Variants in SPOCK2 observed in about 807,000 individuals in gnomAD.
SPOCK2 encodes the protein SPARC (osteonectin), cwcv and kazal like domains proteoglycan 2.
In SPOCK2, 39 loss-of-function variants were observed where a neutral mutation model predicts 60.1. The observed-to-expected ratio is 0.65, with a 90% CI of 0.50 to 0.85. SPOCK2 has a LOEUF of 0.85. SPOCK2 is among the 40% of genes least tolerant of loss of function. SPOCK2 has a pLI of 0.00. For synonymous variants in SPOCK2, 217 were observed against 231.5 expected (o/e 0.94, Z 0.57); for missense variants, 523 against 567.4 (o/e 0.92, Z 0.80).
chr10:72,068,377 C>T, intron 5 of SPOCK2, 76 bp from the exon 6 acceptor site: 2 of 1,429,488 alleles, frequency 1.4e-6, no homozygotes, highest in South Asian at 2.8e-5. Context: ...CACCCTCAAG[C>T]CTCTCATGGC....
chr10:72,079,405 C>T (rs962646774), intron 1 of SPOCK2, among the ~76,000 whole-genome samples: 2 of 152,142 alleles, frequency 1.3e-5, no homozygotes, highest in East Asian at 1.9e-4. Flanking sequence ...TGGGGGCCCC[C>T]GTTCTCCAGG....
chr10:72,073,828 C>T (rs1207995002), intron 1 of SPOCK2, among the ~76,000 whole-genome samples: 1 of 152,268 alleles, frequency 6.6e-6, no homozygotes, highest in Non-Finnish European at 1.5e-5. Context: ...CTCAACTTAT[C>T]TGGCTTCCTC....
In SPOCK2 at chr10:72,060,670, C is replaced by T. The variant is rs935168868; in HGVS notation, c.*2090G>A. On this transcript the variant is annotated 3_prime_UTR_variant, in exon 11 of 11. Coordinates refer to ENST00000373109, the MANE Select transcript of SPOCK2 (RefSeq NM_001244950.2). The stretch of plus-strand genomic sequence containing the variant: ...AGCATTTCCCTGAACTGAGCCGGGG[C>T]TGGAGTGGGGAGGTGAAGGACAGAG... 4.6e-5 allele frequency: 7 copies of T among 152,774 alleles called. No individual in the cohort carries two copies. Among genetic ancestry groups the T allele is most frequent in the Admixed American group, 2.0e-4 (3 of 15,254 alleles). 9.5% of individuals were successfully genotyped at this position (152,774 alleles called of 1,614,324 possible). A position where few individuals can be genotyped will look rare whatever the true frequency, so the allele number is the denominator to read the frequency against.
At chr10:72,085,899 G>A (rs1229484496) in intron 1 of SPOCK2, among the ~76,000 whole-genome samples, 1 of 152,202 alleles carries the variant, frequency 6.6e-6, no homozygotes, top group Non-Finnish European at 1.5e-5. Context: ...TAGTGCTGGT[G>A]GGGACCCTGT....
chr10:72,067,626 G>A lies in SPOCK2; in HGVS notation c.696C>T (p.Ala232=), dbSNP rs370648887. 4.6e-5 allele frequency: 74 copies of A among 1,613,056 alleles called. No individual in the cohort carries two copies. The South Asian group carries it at 6.4e-4, about 14-fold the overall frequency. The change falls in exon 7 of 11, where the codon GCC becomes GCT. Residue 232 remains alanine, a synonymous_variant. Transcript: ENST00000373109. ...CAAGCTTCCTACCGCTGGCCGGGCC[G>A]GCTACACTGCTGGCTGAGCCATTCT... ...SKQNGSASSV[A]GPASGLDKSL...
chr10:72,072,972 A>G (rs997939130), intron 1 of SPOCK2, 62 bp from the exon 2 acceptor site: 27 of 1,551,410 alleles, frequency 1.7e-5, no homozygotes, highest in Admixed American at 9.8e-5. Context: ...AGGGAGAAAG[A>G]TGGGGATATC....
chr10:72,063,124 G>C lies in SPOCK2; in HGVS notation c.1030C>G (p.Arg344Gly). The C allele has an allele frequency of 6.4e-7, 1 of 1,556,460 alleles. No individual in the cohort carries two copies. Among genetic ancestry groups the C allele is most frequent in the South Asian group, 1.2e-5 (1 of 84,302 alleles). The change falls in exon 10 of 11, where the codon CGG (arginine) becomes GGG (glycine). Residue 344 changes from arginine (R) to glycine (G), a missense_variant. Coordinates refer to ENST00000373109, the MANE Select transcript of SPOCK2 (RefSeq NM_001244950.2). The part of the protein sequence containing the change: ...IPSCDEDGYY[R>G]KMQCDQSSGD... ...CTGCTCTGGTCACACTGCATCTTCC[G>C]GTAGTAGCCATCCTCGTCGCAGCTC...
At position 72,064,160 on chromosome 10, in the gene SPOCK2, C is replaced by T. The variant is rs1338021345; in HGVS notation, c.991+18G>A. The stretch of plus-strand genomic sequence containing the variant: ...CCGTCCCCACCTCCTCCTCTGAGAG[C>T]CTGGTCTGGCCCCTCACCTGGCTTC... On this transcript the variant is annotated intron_variant, in intron 9 of 10. Transcript: ENST00000373109. 1 of 1,611,568 alleles carries T rather than the reference C, an allele frequency of 6.2e-7. No homozygotes were observed. Among genetic ancestry groups the T allele is most frequent in the Non-Finnish European group, 8.5e-7 (1 of 1,179,256 alleles).
In SPOCK2 at chr10:72,059,420, T is replaced by A. The variant is rs962463247; in HGVS notation, c.*3340A>T. 1 of 152,266 alleles carries A rather than the reference T, an allele frequency of 6.6e-6. No individual in the cohort carries two copies. The highest frequency in any genetic ancestry group is 2.4e-5 in the African/African-American group (1 of 41,450). 9.4% of individuals were successfully genotyped at this position (152,266 alleles called of 1,614,324 possible). ...TGCACATCACACAGTTTAAGCAGGC[T>A]TCAGGCTGGAAAGCAGTTTGCTCTG... On this transcript the variant is annotated 3_prime_UTR_variant, in exon 11 of 11. Coordinates refer to ENST00000373109, the MANE Select transcript of SPOCK2 (RefSeq NM_001244950.2).
Position 72,081,458 on chromosome 10 carries a change from G to A in SPOCK2, c.189+6682C>T, listed in dbSNP as rs144211761. ...CAGGTGTTGGGGAAGACAGCAGGAG[G>A]GGGCTGGACGCCCCACCCTACAGAA... On this transcript the variant is annotated intron_variant, in intron 1 of 10. Coordinates refer to ENST00000373109, the MANE Select transcript of SPOCK2 (RefSeq NM_001244950.2). Among the ~76,000 whole-genome samples the A allele has an allele frequency of 7.7e-3, 1,167 of 152,344 alleles. 22 individuals are homozygous for A. The highest frequency in any genetic ancestry group is 0.027 in the African/African-American group (1,115 of 41,584).
chr10:72,077,123 T>C (rs1297453772), intron 1 of SPOCK2, among the ~76,000 whole-genome samples: 2 of 152,038 alleles, frequency 1.3e-5, no homozygotes, highest in Non-Finnish European at 2.9e-5. Flanking sequence ...GAGCTCTTTA[T>C]TTTTATTTAT....
intron 1 of SPOCK2, among the ~76,000 whole-genome samples, chr10:72,078,510 C>CA (rs1400344183): frequency 2.0e-5 from 3 of 148,690 alleles, no homozygotes; most frequent in South Asian, 2.1e-4. Context: ...GACTCCGTCT[C>CA]AAAAAAATAA....
Position 72,065,366 on chromosome 10 carries a change from C to T in SPOCK2, c.929-1126G>A, listed in dbSNP as rs1006525527. ...TTAGCTATGTTTAGATGCACAAATG[C>T]TTACCATTGTGTTACAACTGCCTGC... On this transcript the variant is annotated intron_variant, in intron 8 of 10. Coordinates refer to ENST00000373109, the MANE Select transcript of SPOCK2 (RefSeq NM_001244950.2). Among the ~76,000 whole-genome samples, 6 of 152,340 alleles carry T rather than the reference C, an allele frequency of 3.9e-5. No homozygotes were observed. In the East Asian group the frequency reaches 9.7e-4, roughly 25 times the overall value.
chr10:72,075,244 G>T (rs909078222), intron 1 of SPOCK2, among the ~76,000 whole-genome samples: 7 of 152,202 alleles, frequency 4.6e-5, no homozygotes, highest in African/African-American at 1.7e-4. Context: ...GTCTCCATCA[G>T]CTGGGGTCTT....
intron 1 of SPOCK2, among the ~76,000 whole-genome samples, chr10:72,073,167 G>A (rs1293522746): frequency 2.0e-5 from 3 of 152,096 alleles, no homozygotes; most frequent in Admixed American, 6.6e-5. Flanking sequence ...GAGAGGGTGG[G>A]GCACCCCCAC....
intron 8 of SPOCK2, among the ~76,000 whole-genome samples, chr10:72,065,094 G>A (rs1240053568): frequency 8.1e-6 from 1 of 123,620 alleles, no homozygotes; most frequent in African/African-American, 2.6e-5. Flanking sequence ...GGAGTGCAAC[G>A]GCACGATCTT....
chr10:72,072,854 G>T (rs1490072072), intron 2 of SPOCK2, 48 bp downstream of exon 2: 2 of 1,552,010 alleles, frequency 1.3e-6, no homozygotes, highest in South Asian at 1.2e-5. Flanking sequence ...AGGGGAGGGG[G>T]TGTGCTCTGC....
chr10:72,072,571 G>A, intron 2 of SPOCK2, 23 bp from the exon 3 acceptor site: 1 of 1,613,840 alleles, frequency 6.2e-7, no homozygotes, highest in Non-Finnish European at 8.5e-7. Flanking sequence ...GAGGGACAAG[G>A]GAGAAGGGAA....
chr10:72,086,090 C>T, intron 1 of SPOCK2: 1 of 733,736 alleles, frequency 1.4e-6, no homozygotes. Flanking sequence ...CTCTCCCTGA[C>T]CCTGTCCTCC....
Sources: allele counts gnomAD v4.1 joint callset (sites outside exome capture counted in the v4.1 genomes callset), GRCh38; gene constraint gnomAD v4.1.1; transcripts MANE v1.5; gene names NCBI Gene and HGNC (gene_info 2026-07-23, HGNC 2026-07-21).